Variants in TRIM33 observed in about 807,000 individuals in gnomAD.
TRIM33 encodes E3 ubiquitin-protein ligase TRIM33.
A neutral mutation model predicts 125.4 loss-of-function variants in TRIM33; 20 were observed. The ratio of observed to expected loss-of-function variants is 0.16; its 90% CI spans 0.11 to 0.23. The LOEUF (loss-of-function observed/expected upper bound fraction) is 0.23. Among genes scored for constraint, TRIM33 ranks in the 10% least tolerant of loss-of-function variants. TRIM33 has a pLI of 1.00. For missense variants in TRIM33, 920 were observed against 1,411.4 expected (o/e 0.65, Z 5.58); for synonymous variants, 564 against 513.9 (o/e 1.10, Z -1.32).
At chr1:114,469,970 G>A (rs898551036) in intron 1 of TRIM33, among the ~76,000 whole-genome samples, 1 of 152,174 alleles carries the variant, frequency 6.6e-6, no homozygotes, top group Non-Finnish European at 1.5e-5. Context: ...GATAATGTCA[G>A]TAAGTATTTC....
rs959601122 is a variant in TRIM33 at position 114,463,446 on chromosome 1, T to C, written c.756A>G (p.Lys252=). The C allele has an allele frequency of 6.2e-7, 1 of 1,613,276 alleles. No homozygotes were observed. Among genetic ancestry groups the C allele is most frequent in the African/African-American group, 1.3e-5 (1 of 74,894 alleles). ...CTTCTTTCTTCCTGATCAAGTGATC[T>C]TTAGTAAATTTTACTCTTTGATGTG... is the stretch of plus-strand genomic sequence containing the variant. ...IEAHQRVKFT[K]DHLIRKKEDV... Residue 252 remains lysine, a synonymous_variant, in exon 3 of 20, where the codon AAA becomes AAG. Coordinates refer to ENST00000358465, the MANE Select transcript of TRIM33 (RefSeq NM_015906.4).
chr1:114,489,277 C>T (rs1651903650), intron 1 of TRIM33, among the ~76,000 whole-genome samples: 1 of 152,142 alleles, frequency 6.6e-6, no homozygotes, highest in Non-Finnish European at 1.5e-5. Context: ...ACAAATTTCA[C>T]ATACAAAAAT....
chr1:114,459,008 T>C (rs1649788552), intron 4 of TRIM33, among the ~76,000 whole-genome samples: 2 of 152,204 alleles, frequency 1.3e-5, no homozygotes, highest in Non-Finnish European at 2.9e-5. Flanking sequence ...AATGAAAGCA[T>C]GAACAAAAGA....
chr1:114,506,874 C>T (rs929206370), intron 1 of TRIM33, among the ~76,000 whole-genome samples: 1 of 152,170 alleles, frequency 6.6e-6, no homozygotes, highest in Non-Finnish European at 1.5e-5. Context: ...GGTGGTACCA[C>T]CAGCATCAAA....
At chr1:114,494,541 T>C (rs1652256128) in intron 1 of TRIM33, among the ~76,000 whole-genome samples, 1 of 152,076 alleles carries the variant, frequency 6.6e-6, no homozygotes, top group South Asian at 2.1e-4. Context: ...AGCCATAAAA[T>C]AGGATATATA....
intron 4 of TRIM33, among the ~76,000 whole-genome samples, chr1:114,445,521 G>A (rs1323293715): frequency 6.6e-6 from 1 of 152,182 alleles, no homozygotes; most frequent in South Asian, 2.1e-4. Context: ...GATTACAGGC[G>A]TGAGCTACCA....
intron 4 of TRIM33, among the ~76,000 whole-genome samples, chr1:114,445,311 C>T (rs1453761885): frequency 6.6e-6 from 1 of 152,180 alleles, no homozygotes; most frequent in Non-Finnish European, 1.5e-5. Context: ...GATCACAGCT[C>T]ACTGCAGCCT....
chr1:114,468,871 A>G (rs1572092414), intron 1 of TRIM33: 1 of 244,328 alleles, frequency 4.1e-6, no homozygotes, highest in Non-Finnish European at 8.3e-6. Context: ...ATCACGAGGG[A>G]AAAGAATCCA....
intron 4 of TRIM33, among the ~76,000 whole-genome samples, chr1:114,440,468 C>G (rs1648585479): frequency 6.6e-6 from 1 of 151,960 alleles, no homozygotes; most frequent in African/African-American, 2.4e-5. Context: ...ACAGGAAGAA[C>G]TGACTCACTA....
chr1:114,399,415 AAACT>A, intron 18 of TRIM33, 38 bp downstream of exon 18: 2 of 1,552,702 alleles, frequency 1.3e-6, no homozygotes, highest in Non-Finnish European at 1.7e-6. Flanking sequence ...AAACAAACAA[AAACT>A]AACAAATCAA....
Position 114,397,468 on chromosome 1 carries a change from G to A in TRIM33, c.*180C>T, listed in dbSNP as rs1651598263. On this transcript the variant is annotated 3_prime_UTR_variant, in exon 20 of 20. Transcript: ENST00000358465. The stretch of plus-strand genomic sequence containing the variant: ...GACTTCTCTCCCCCTTTCTTGACAA[G>A]AATGTGTTTCTGTCCATTATTTCAA... 1 of 551,376 alleles carries A rather than the reference G, an allele frequency of 1.8e-6. No individual in the cohort carries two copies. Among genetic ancestry groups the A allele is most frequent in the East Asian group, 2.9e-5 (1 of 34,644 alleles). 34.2% of individuals were successfully genotyped at this position (551,376 alleles called of 1,614,324 possible).
At chr1:114,433,130 A>G (rs576791574) in intron 5 of TRIM33, among the ~76,000 whole-genome samples, 14 of 152,360 alleles carry the variant, frequency 9.2e-5, no homozygotes, top group Middle Eastern at 3.4e-3. Context: ...AATGGTGATG[A>G]TAATTATAAA....
intron 1 of TRIM33, among the ~76,000 whole-genome samples, chr1:114,465,067 T>C (rs1255330371): frequency 2.0e-5 from 3 of 152,204 alleles, no homozygotes; most frequent in African/African-American, 7.2e-5. Flanking sequence ...ACACTAAGTT[T>C]GTGGTAATTT....
intron 4 of TRIM33, among the ~76,000 whole-genome samples, chr1:114,439,430 C>T (rs577620136): frequency 4.4e-5 from 6 of 136,288 alleles, no homozygotes; most frequent in Non-Finnish European, 7.5e-5. Context: ...GATTGCGCCA[C>T]GGCACTCCAG....
intron 4 of TRIM33, among the ~76,000 whole-genome samples, chr1:114,439,272 G>A (rs1235960410): frequency 2.6e-5 from 4 of 151,836 alleles, no homozygotes; most frequent in East Asian, 1.9e-4. Context: ...ATGAGTTTGA[G>A]ACCAGCCTGA....
chr1:114,430,041 A>T (rs1307738018), intron 6 of TRIM33, among the ~76,000 whole-genome samples: 1 of 152,054 alleles, frequency 6.6e-6, no homozygotes, highest in Non-Finnish European at 1.5e-5. Context: ...AGGTTTATAA[A>T]TTTCAAAAAG....
Position 114,397,613 on chromosome 1 carries a change from T to TGG in TRIM33, c.*34_*35insCC. ...TGTTTTTTTTTTTTTTTTCGTTTTT[T>TGG]TTTTTTTAAACAATTGATTTAAATC... On this transcript the variant is annotated 3_prime_UTR_variant, in exon 20 of 20. Transcript: ENST00000358465. 1.6e-6 allele frequency: 2 copies of TGG among 1,254,840 alleles called. No individual in the cohort carries two copies. Among genetic ancestry groups the TGG allele is most frequent in the Non-Finnish European group, 2.2e-6 (2 of 896,930 alleles). The allele number at this position is 1,254,840 out of a possible 1,614,324, so 77.7% of individuals were successfully genotyped here.
chr1:114,466,687 G>A (rs1650322030), intron 1 of TRIM33, among the ~76,000 whole-genome samples: 1 of 152,158 alleles, frequency 6.6e-6, no homozygotes, highest in South Asian at 2.1e-4. Flanking sequence ...CATTGTTGCT[G>A]GGGACATCTG....
At chr1:114,450,176 G>T (rs1022347900) in intron 4 of TRIM33, among the ~76,000 whole-genome samples, 1 of 152,176 alleles carries the variant, frequency 6.6e-6, no homozygotes, top group Non-Finnish European at 1.5e-5. Context: ...AGAATCGCTT[G>T]CACCCGGCAG....
Sources: gnomAD v4.1 joint callset for allele counts (sites outside exome capture counted in the v4.1 genomes callset) on GRCh38, gnomAD v4.1.1 for gene constraint, MANE v1.5 for transcripts, NCBI Gene and HGNC (gene_info 2026-07-23, HGNC 2026-07-21) for gene names.